Variants in PTPRA observed in about 807,000 individuals in gnomAD.
PTPRA encodes protein tyrosine phosphatase receptor type A.
A neutral mutation model predicts 104.8 loss-of-function variants in PTPRA; 25 were observed. That is an observed-to-expected ratio of 0.24 (90% CI 0.17 to 0.33). PTPRA has a LOEUF of 0.33. Among genes scored for constraint, PTPRA ranks in the 10% least tolerant of loss-of-function variants. The pLI is 1.00. For missense variants in PTPRA, 765 were observed against 1,015.3 expected, an observed-to-expected ratio of 0.75 and a Z score of 3.35; for synonymous variants, 323 against 368.9, an observed-to-expected ratio of 0.88 and a Z score of 1.43.
At position 3,032,614 on chromosome 20, in the gene PTPRA, A is replaced by G. The variant is rs543666585; in HGVS notation, c.1921-2971A>G. Among the ~76,000 whole-genome samples the G allele has an allele frequency of 3.0e-4, 45 of 151,970 alleles. 1 individual carries two copies. The South Asian group carries it at 8.9e-3, about 30-fold the overall frequency. On this transcript the variant is annotated intron_variant, in intron 20 of 23. Transcript: ENST00000399903. ...AACCCCATCTCTACTAAAAATACAA[A>G]AATTAGCTGGGCGCGATGGTGCATG...
At chr20:2,877,420 T>C (rs1266681469) in intron 1 of PTPRA, among the ~76,000 whole-genome samples, 2 of 152,154 alleles carry the variant, frequency 1.3e-5, no homozygotes, top group Non-Finnish European at 2.9e-5. Flanking sequence ...TCACTGTACC[T>C]GGCTAATTTT....
chr20:3,037,312 C>A lies in PTPRA; in HGVS notation c.2334+23C>A, dbSNP rs2065847867. ...CTGGTATGCTGCCCACATATTTGTC[C>A]CTGCCACCACACCACCTGCAGCCCT... On this transcript the variant is annotated intron_variant, in intron 23 of 23. Transcript: ENST00000399903. This position sits in a 1 kb window ranked among gnomAD's most constrained non-coding sequence, Gnocchi z 4.3. 1 of 1,612,002 alleles carries A rather than the reference C, an allele frequency of 6.2e-7. No homozygotes were observed. The highest frequency in any genetic ancestry group is 8.5e-7 in the Non-Finnish European group (1 of 1,179,050).
chr20:2,975,191 T>A, intron 5 of PTPRA, 24 bp from the exon 6 acceptor site: 1 of 1,565,518 alleles, frequency 6.4e-7, no homozygotes, highest in Non-Finnish European at 8.8e-7. Flanking sequence ...GAATGAATGT[T>A]TCTATTTTTT....
chr20:2,957,113 G>A (rs972790484), intron 3 of PTPRA, among the ~76,000 whole-genome samples: 2 of 152,102 alleles, frequency 1.3e-5, no homozygotes, highest in African/African-American at 4.8e-5. Context: ...GTGAAACCCT[G>A]TCTCTACTAA....
intron 1 of PTPRA, among the ~76,000 whole-genome samples, chr20:2,885,654 A>G (rs1330354085): frequency 1.9e-5 from 2 of 102,608 alleles, no homozygotes; most frequent in African/African-American, 7.4e-5. Context: ...AGATCTGATT[A>G]CTGGTTTATA....
chr20:2,931,792 C>T (rs919961903), intron 2 of PTPRA, among the ~76,000 whole-genome samples: 1 of 151,856 alleles, frequency 6.6e-6, no homozygotes, highest in African/African-American at 2.4e-5. Context: ...AGTGCCATGG[C>T]ATAATCATAG....
intron 6 of PTPRA, among the ~76,000 whole-genome samples, chr20:2,984,112 C>T (rs1384793940): frequency 6.6e-6 from 1 of 151,928 alleles, no homozygotes; most frequent in Non-Finnish European, 1.5e-5. Flanking sequence ...CCAGTCTGAA[C>T]ACTCATTTTA....
intron 9 of PTPRA, among the ~76,000 whole-genome samples, chr20:2,996,065 C>T (rs1013528948): frequency 5.3e-5 from 8 of 152,224 alleles, no homozygotes; most frequent in African/African-American, 1.7e-4. Context: ...CCCTAGCAGT[C>T]TCTCAACTAC....
chr20:2,979,556 A>G (rs908022435), intron 6 of PTPRA, among the ~76,000 whole-genome samples: 9 of 152,164 alleles, frequency 5.9e-5, no homozygotes, highest in African/African-American at 1.9e-4. Context: ...GGGCAGACTC[A>G]TGCTCTGTCG....
intron 5 of PTPRA, among the ~76,000 whole-genome samples, chr20:2,973,982 C>T (rs187214047): frequency 5.6e-5 from 8 of 143,660 alleles, no homozygotes; most frequent in East Asian, 2.0e-4. Context: ...GATGGAGTCT[C>T]GCTCTGTTGC....
At chr20:3,001,594 G>A (rs2148263299) in intron 9 of PTPRA, among the ~76,000 whole-genome samples, 1 of 128,244 alleles carries the variant, frequency 7.8e-6, no homozygotes, top group African/African-American at 2.6e-5. Flanking sequence ...GAAACCTGTG[G>A]AAATCTTATG....
intron 1 of PTPRA, among the ~76,000 whole-genome samples, chr20:2,918,505 A>G (rs1481375185): frequency 6.6e-6 from 1 of 152,130 alleles, no homozygotes; most frequent in African/African-American, 2.4e-5. Context: ...GGGGATGGTA[A>G]TGTTCTTTGA....
At chr20:2,937,667 T>C (rs1454150877) in intron 2 of PTPRA, among the ~76,000 whole-genome samples, 1 of 152,212 alleles carries the variant, frequency 6.6e-6, no homozygotes, top group Non-Finnish European at 1.5e-5. Flanking sequence ...GCTTTTTCTT[T>C]ACTTCTATTT....
At chr20:2,943,222 C>CG (rs1245111097) in intron 2 of PTPRA, among the ~76,000 whole-genome samples, 1 of 148,192 alleles carries the variant, frequency 6.7e-6, no homozygotes, top group African/African-American at 2.5e-5. Flanking sequence ...CACCCCCCCC[C>CG]CAGATAAGGG....
At chr20:2,880,868 G>A (rs1487195608) in intron 1 of PTPRA, among the ~76,000 whole-genome samples, 4 of 152,010 alleles carry the variant, frequency 2.6e-5, no homozygotes, top group African/African-American at 9.7e-5. Context: ...AAAATTAGCC[G>A]TGTGGTGTCA....
At chr20:2,883,794 T>G (rs2090211336) in intron 1 of PTPRA, among the ~76,000 whole-genome samples, 1 of 151,988 alleles carries the variant, frequency 6.6e-6, no homozygotes, top group African/African-American at 2.4e-5. Context: ...TACAGTTCTG[T>G]GGTTTTTTGT....
rs561137851 is a variant in PTPRA, at chr20:2,974,947, G to A, written c.416-268G>A. The stretch of plus-strand genomic sequence containing the variant: ...CCTCTTGAATTTTAATGGAGCAAAA[G>A]ACATAAAGTCCTCTAATAACATGCG... On this transcript the variant is annotated intron_variant, in intron 5 of 23. Transcript: ENST00000399903. Among the ~76,000 whole-genome samples the A allele has an allele frequency of 3.3e-5, 5 of 152,274 alleles. No individual in the cohort carries two copies. In the East Asian group the frequency reaches 9.6e-4, roughly 29 times the overall value.
At chr20:2,941,025 G>A (rs1326587853) in intron 2 of PTPRA, among the ~76,000 whole-genome samples, 3 of 151,170 alleles carry the variant, frequency 2.0e-5, no homozygotes. Flanking sequence ...TTTTTTTGGG[G>A]GTTTTTTTTG....
At chr20:2,988,201 AAG>A (rs1028443087) in intron 8 of PTPRA, 96 bp downstream of exon 8, 1 of 1,511,296 alleles carries the variant, frequency 6.6e-7, no homozygotes, top group African/African-American at 1.4e-5. Flanking sequence ...AGACAATAAA[AAG>A]AGGAAAAAAG....
Sources: gnomAD v4.1 joint callset for allele counts (sites outside exome capture counted in the v4.1 genomes callset) on GRCh38, gnomAD v4.1.1 for gene constraint, Gnocchi (gnomAD v3.1) non-coding constraint, MANE v1.5 for transcripts, NCBI Gene and HGNC (gene_info 2026-07-23, HGNC 2026-07-21) for gene names.